The following USF1 variants were observed in gnomAD, a reference collection of about 807,000 sequenced individuals.
The protein encoded by USF1 is upstream stimulatory factor 1.
USF1 carries 22 observed loss-of-function variants against 46.3 expected under a neutral mutation model. The observed-to-expected ratio is 0.47, with a 90% CI of 0.34 to 0.68. The LOEUF is 0.68. Among genes scored for constraint, USF1 ranks in the 30% least tolerant of loss-of-function variants. The pLI is 0.01. For missense variants in USF1, 287 were observed against 399.3 expected (o/e 0.72, Z 2.40); for synonymous variants, 150 against 147.0 (o/e 1.02, Z -0.15).
intron 6 of USF1, 54 bp from the exon 7 acceptor site, chr1:161,041,465 C>A: frequency 6.4e-7 from 1 of 1,570,282 alleles, no homozygotes; most frequent in South Asian, 1.1e-5. Flanking sequence ...CCTCACCAAG[C>A]CCTGAGGTGA....
chr1:161,045,836 T>G (rs773989019), intron 1 of USF1, 22 bp downstream of exon 1: 1 of 152,636 alleles, frequency 6.6e-6, no homozygotes, highest in Admixed American at 6.5e-5. Context: ...GTTTCCAGAC[T>G]TCTGCCCGGT....
rs560090065 is a variant in USF1, at chr1:161,042,495, A to C, written c.174+60T>G. The stretch of plus-strand genomic sequence containing the variant: ...GCCAGGTCTCCCCAAGACATGTTCA[A>C]TTACCTCCCTCAATCCCAACCCCAG... On this transcript the variant is annotated intron_variant, in intron 4 of 10. Coordinates refer to ENST00000368021, the MANE Select transcript of USF1 (RefSeq NM_007122.5). The C allele has an allele frequency of 1.9e-6, 3 of 1,579,948 alleles. No individual in the cohort carries two copies. The South Asian group carries it at 3.4e-5, about 18-fold the overall frequency.
chr1:161,043,028 C>G, intron 2 of USF1, 146 bp from the exon 3 acceptor site: 2 of 1,270,458 alleles, frequency 1.6e-6, no homozygotes, highest in Non-Finnish European at 2.3e-6. Flanking sequence ...TTACTGTTTA[C>G]TATGTACATA....
intron 5 of USF1, 95 bp from the exon 6 acceptor site, chr1:161,041,941 AG>A (rs1418136494): frequency 4.4e-6 from 6 of 1,373,802 alleles, no homozygotes; most frequent in Non-Finnish European, 6.1e-6. Flanking sequence ...GGTGGTAGGT[AG>A]GGTGGAGAGA....
In USF1 at chr1:161,042,311, G is replaced by A. The variant is rs17175512; in HGVS notation, c.175-94C>T. 1,250 of 1,326,368 alleles carry A rather than the reference G, an allele frequency of 9.4e-4. 6 individuals are homozygous for A. The African/African-American group carries it at 0.016, about 17-fold the overall frequency. 82.2% of individuals were successfully genotyped at this position (1,326,368 alleles called of 1,614,324 possible). A position where few individuals can be genotyped will look rare whatever the true frequency, so the allele number is the denominator to read the frequency against. On this transcript the variant is annotated intron_variant, in intron 4 of 10. Transcript: ENST00000368021. ...CCCCTCATAAAGCTTCCCTTGGATA[G>A]GGCCCCAAAACAAAGTCCTTCAGAG...
chr1:161,041,447 G>C (rs781313105), intron 6 of USF1, 36 bp from the exon 7 acceptor site: 1 of 1,600,312 alleles, frequency 6.2e-7, no homozygotes, highest in East Asian at 2.2e-5. Context: ...TCAGGACATG[G>C]GTAGGAACCT....
intron 5 of USF1, 97 bp from the exon 6 acceptor site, chr1:161,041,943 G>A: frequency 7.3e-7 from 1 of 1,371,390 alleles, no homozygotes; most frequent in Non-Finnish European, 1.0e-6. Flanking sequence ...TGGTAGGTAG[G>A]GTGGAGAGAG....
chr1:161,045,651 G>C lies in USF1; in HGVS notation c.-86+207C>G, dbSNP rs565853572. On this transcript the variant is annotated intron_variant, in intron 1 of 10. Transcript: ENST00000368021. Reference sequence around the variant, plus strand: ...CGGCGCGCAGCTGGACAGCGCAGGAGGGCTGGGACGCTCGCGCTCTGGGGA... The same window carrying C: ...CGGCGCGCAGCTGGACAGCGCAGGACGGCTGGGACGCTCGCGCTCTGGGGA... Among the ~76,000 whole-genome samples the C allele has an allele frequency of 2.6e-5, 4 of 152,370 alleles. No homozygotes were observed. In the East Asian group the frequency reaches 7.7e-4, roughly 29 times the overall value.
At chr1:161,044,001 A>C (rs564585826) in intron 1 of USF1, among the ~76,000 whole-genome samples, 2 of 137,366 alleles carry the variant, frequency 1.5e-5, no homozygotes, top group South Asian at 2.3e-4. Context: ...GCTGGAGTGC[A>C]GTGGCACAAT....
At chr1:161,045,064 G>A (rs1362274273) in intron 1 of USF1, 1 of 152,170 alleles carries the variant, frequency 6.6e-6, no homozygotes, top group African/African-American at 2.4e-5. Context: ...CTAGTGTTTT[G>A]GGACCACCTA....
Position 161,040,155 on chromosome 1 carries a change from G to A in USF1, c.843+47C>T. Reference sequence around the variant, plus strand: ...AAGTAGAGGGTGTCAAACTGGGTCAGTGGCTAGCAGAACTGAGAAGGGCTG... The same window carrying A: ...AAGTAGAGGGTGTCAAACTGGGTCAATGGCTAGCAGAACTGAGAAGGGCTG... On this transcript the variant is annotated intron_variant, in intron 10 of 10. Transcript: ENST00000368021. The surrounding 1 kb of genome is among the most constrained non-coding windows in gnomAD (Gnocchi z 4.0). 2.5e-6 allele frequency: 4 copies of A among 1,611,822 alleles called. No homozygotes were observed. Among genetic ancestry groups the A allele is most frequent in the Middle Eastern group, 1.7e-4 (1 of 5,952 alleles).
At chr1:161,044,150 C>T (rs1304753712) in intron 1 of USF1, among the ~76,000 whole-genome samples, 1 of 152,026 alleles carries the variant, frequency 6.6e-6, no homozygotes, top group African/African-American at 2.4e-5. Context: ...ACCATATTGG[C>T]CAGGCTGGTC....
In USF1 at chr1:161,043,252, C is replaced by T; in HGVS notation, c.8+16G>A. 3.1e-6 allele frequency: 5 copies of T among 1,614,208 alleles called. No homozygotes were observed. The highest frequency in any genetic ancestry group is 1.3e-5 in the African/African-American group (1 of 75,044). On this transcript the variant is annotated intron_variant, in intron 2 of 10. Transcript: ENST00000368021. ...CACCCATCTTTCATCCCAGACCCTA[C>T]CTCTTCTTCACTCACCCCTTCATCT...
intron 2 of USF1, 114 bp downstream of exon 2, chr1:161,043,154 T>TA (rs1233103881): frequency 2.9e-5 from 45 of 1,572,124 alleles, no homozygotes; most frequent in Non-Finnish European, 3.5e-5. Context: ...CAGTAAGTGA[T>TA]AGAGTAGAAC....
intron 2 of USF1, 142 bp downstream of exon 2, chr1:161,043,126 T>TAGAGAAACCAAATCACACAGTAA: frequency 6.8e-7 from 1 of 1,468,188 alleles, no homozygotes; most frequent in South Asian, 1.2e-5. Flanking sequence ...ATTTTATAGA[T>TAGAGAAACCAAATCACACAGTAA]AGAGAAACCA....
chr1:161,040,480 C>T lies in USF1; in HGVS notation c.714+96G>A, dbSNP rs550376620. The T allele has an allele frequency of 3.2e-6, 5 of 1,558,474 alleles. No homozygotes were observed. In the East Asian group the frequency reaches 1.1e-4, roughly 35 times the overall value. On this transcript the variant is annotated intron_variant, in intron 9 of 10. Coordinates refer to ENST00000368021, the MANE Select transcript of USF1 (RefSeq NM_007122.5). The surrounding 1 kb of genome is among the most constrained non-coding windows in gnomAD (Gnocchi z 4.0). ...ACAGGAACCTCAGGGAGAGATAAGACTACTGTCATGTGTGCCCCTCTCTCT... is the reference window on the plus strand; with the variant it reads ...ACAGGAACCTCAGGGAGAGATAAGATTACTGTCATGTGTGCCCCTCTCTCT...
chr1:161,042,481 C>G, intron 4 of USF1, 74 bp downstream of exon 4: 1 of 1,536,622 alleles, frequency 6.5e-7, no homozygotes, highest in Non-Finnish European at 8.9e-7. Flanking sequence ...CCAGGTCTCC[C>G]CAAGACATGT....
chr1:161,043,486 T>C (rs1557907446), intron 1 of USF1, 126 bp from the exon 2 acceptor site: 3 of 681,218 alleles, frequency 4.4e-6, no homozygotes, highest in East Asian at 2.8e-5. Context: ...ACAATCAGCC[T>C]CCACCATACT....
chr1:161,039,739 A>C lies in USF1; in HGVS notation c.*181T>G. 1 of 641,624 alleles carries C rather than the reference A, an allele frequency of 1.6e-6. No individual in the cohort carries two copies. Among genetic ancestry groups the C allele is most frequent in the Non-Finnish European group, 2.7e-6 (1 of 372,398 alleles). The allele number at this position is 641,624 out of a possible 1,614,324, so 39.7% of individuals were successfully genotyped here. A position where few individuals can be genotyped will look rare whatever the true frequency, so the allele number is the denominator to read the frequency against. The stretch of plus-strand genomic sequence containing the variant: ...GGCAAGGCTGTCAGTGCACGTCCAC[A>C]TTGTGTGTTTCACACCACTGCAGGC... On this transcript the variant is annotated 3_prime_UTR_variant, in exon 11 of 11. Transcript: ENST00000368021.
Sources: gnomAD v4.1 joint callset for allele counts (sites outside exome capture counted in the v4.1 genomes callset) on GRCh38, gnomAD v4.1.1 for gene constraint, Gnocchi (gnomAD v3.1) non-coding constraint, MANE v1.5 for transcripts, NCBI Gene and HGNC (gene_info 2026-07-23, HGNC 2026-07-21) for gene names.